SUPT3H: variants seen among roughly 807,000 people sequenced by gnomAD.
SUPT3H encodes SPT3 homolog, SAGA and STAGA complex component.
In SUPT3H, 44 loss-of-function variants were observed where a neutral mutation model predicts 44.3. The observed-to-expected ratio is 0.99, with a 90% CI of 0.78 to 1.28. The LOEUF (loss-of-function observed/expected upper bound fraction) is 1.28, where lower values mean the gene tolerates loss of function less well. Ranked by LOEUF, SUPT3H falls within the 50% of genes most tolerant of loss-of-function variation. The probability of loss-of-function intolerance (pLI) is 0.00; values close to 1 mark genes in which losing one functional copy is unlikely to be tolerated. For missense variants in SUPT3H, 380 were observed against 387.1 expected (o/e 0.98, Z 0.15); for synonymous variants, 124 against 125.6 (o/e 0.99, Z 0.09).
At chr6:45,079,352 A>T (rs1387403396) in intron 3 of SUPT3H, among the ~76,000 whole-genome samples, 1 of 151,928 alleles carries the variant, frequency 6.6e-6, no homozygotes, top group South Asian at 2.1e-4. Flanking sequence ...AAGGAAGAAA[A>T]AGAAAGAAGA....
intron 2 of SUPT3H, among the ~76,000 whole-genome samples, chr6:45,332,469 C>T (rs1008997915): frequency 4.6e-5 from 7 of 151,636 alleles, no homozygotes; most frequent in Non-Finnish European, 1.0e-4. Flanking sequence ...TGAAAATTGA[C>T]GGCAAAACAG....
chr6:44,834,163 G>C (rs970727281), intron 10 of SUPT3H, among the ~76,000 whole-genome samples: 35 of 152,252 alleles, frequency 2.3e-4, no homozygotes, highest in African/African-American at 8.2e-4. Context: ...AGTGAGAGCT[G>C]AGAACAGTGG....
chr6:45,035,738 G>A (rs1281539434), intron 3 of SUPT3H, among the ~76,000 whole-genome samples: 1 of 152,110 alleles, frequency 6.6e-6, no homozygotes, highest in Non-Finnish European at 1.5e-5. Flanking sequence ...AGATTGTGAA[G>A]TAACTGTGGG....
intron 2 of SUPT3H, among the ~76,000 whole-genome samples, chr6:45,107,878 T>C (rs891210409): frequency 5.3e-5 from 8 of 152,184 alleles, no homozygotes; most frequent in African/African-American, 1.7e-4. Context: ...TAGTAATTTA[T>C]GTTTTTTTAA....
chr6:45,315,832 T>G (rs1306598383), intron 2 of SUPT3H, among the ~76,000 whole-genome samples: 2 of 152,148 alleles, frequency 1.3e-5, no homozygotes, highest in Non-Finnish European at 2.9e-5. Flanking sequence ...TGCACACGCA[T>G]GTTTATAGCA....
intron 10 of SUPT3H, among the ~76,000 whole-genome samples, chr6:44,870,956 G>A (rs201315730): frequency 0.12 from 18,066 of 151,024 alleles, 1,422 homozygotes; most frequent in East Asian, 0.26. Context: ...AAAAAACGGC[G>A]CACCACGAGA....
intron 2 of SUPT3H, among the ~76,000 whole-genome samples, chr6:45,316,166 A>C (rs1784671476): frequency 6.6e-6 from 1 of 152,120 alleles, no homozygotes; most frequent in Admixed American, 6.6e-5. Context: ...GACTTTGGAG[A>C]CTTGGGGAGA....
chr6:44,937,542 TCC>T lies in SUPT3H; in HGVS notation c.802-4781_802-4780del, dbSNP rs370154767. ...CAATAGAAGTTGTACTAATTTACAT[TCC>T]CAACAACAGTGTACATGAGTTCCCT... On this transcript the variant is annotated intron_variant, in intron 9 of 10. Coordinates refer to ENST00000371459, the MANE Select transcript of SUPT3H (RefSeq NM_003599.4). Among the ~76,000 whole-genome samples, 670 of 152,102 alleles carry T rather than the reference TCC, an allele frequency of 4.4e-3. 6 individuals carry two copies. Among genetic ancestry groups the T allele is most frequent in the African/African-American group, 0.015 (627 of 41,454 alleles).
chr6:45,009,458 G>T (rs888147294), intron 5 of SUPT3H, among the ~76,000 whole-genome samples: 19 of 151,958 alleles, frequency 1.3e-4, no homozygotes, highest in African/African-American at 4.6e-4. Context: ...CTTGTATTTA[G>T]GTCTATGATC....
At chr6:44,988,708 C>T (rs907940558) in intron 6 of SUPT3H, among the ~76,000 whole-genome samples, 4 of 151,742 alleles carry the variant, frequency 2.6e-5, no homozygotes, top group African/African-American at 9.7e-5. Context: ...GCAATTTCTG[C>T]ATCAAATAAC....
chr6:44,915,845 G>C (rs1767728943), intron 10 of SUPT3H, among the ~76,000 whole-genome samples: 1 of 152,126 alleles, frequency 6.6e-6, no homozygotes, highest in Admixed American at 6.5e-5. Context: ...GTACTTGATT[G>C]ATGTCTCATG....
intron 9 of SUPT3H, among the ~76,000 whole-genome samples, chr6:44,950,627 T>C (rs1275517923): frequency 6.6e-6 from 1 of 151,916 alleles, no homozygotes; most frequent in Non-Finnish European, 1.5e-5. Flanking sequence ...GAAAGTTAAC[T>C]TGAATTAATA....
chr6:44,863,501 GTATAATA>G (rs1774996991), intron 10 of SUPT3H, among the ~76,000 whole-genome samples: 1 of 152,118 alleles, frequency 6.6e-6, no homozygotes, highest in African/African-American at 2.4e-5. Flanking sequence ...AAGCCATGTA[GTATAATA>G]TATGACCAAA....
At chr6:45,271,120 T>C (rs1384567640) in intron 2 of SUPT3H, among the ~76,000 whole-genome samples, 3 of 152,130 alleles carry the variant, frequency 2.0e-5, no homozygotes, top group Non-Finnish European at 4.4e-5. Context: ...AAATAGAGCA[T>C]AAAAGTTTGG....
chr6:44,868,222 G>T (rs1177151827), intron 10 of SUPT3H, among the ~76,000 whole-genome samples: 1 of 152,176 alleles, frequency 6.6e-6, no homozygotes, highest in Non-Finnish European at 1.5e-5. Context: ...AGAAGCCACA[G>T]GAGCTGGTTT....
chr6:44,824,748 T>C (rs1408249956), downstream of SUPT3H, among the ~76,000 whole-genome samples: 1 of 152,152 alleles, frequency 6.6e-6, no homozygotes, highest in East Asian at 1.9e-4. Context: ...TCTCTCTCTG[T>C]AAAACAAAGC....
In SUPT3H at chr6:45,364,749, T is replaced by C. The variant is rs201646078; in HGVS notation, c.101+452A>G. On this transcript the variant is annotated intron_variant, in intron 2 of 10. Coordinates refer to ENST00000371459, the MANE Select transcript of SUPT3H (RefSeq NM_003599.4). The stretch of plus-strand genomic sequence containing the variant: ...TGCTCTGAAACACAGTGATTTCAAA[T>C]ATTATCAGAACTAAAAACTAATTTA... 4.6e-5 allele frequency among the ~76,000 whole-genome samples: 7 copies of C among 152,326 alleles called. No homozygotes were observed. In the East Asian group the frequency reaches 9.6e-4, roughly 21 times the overall value.
intron 10 of SUPT3H, among the ~76,000 whole-genome samples, chr6:44,899,976 T>C (rs1190524686): frequency 1.3e-5 from 2 of 152,186 alleles, no homozygotes; most frequent in Non-Finnish European, 2.9e-5. Flanking sequence ...ATGATTAAGA[T>C]ACAATTATTT....
chr6:45,354,500 T>A (rs1330841212), intron 2 of SUPT3H, among the ~76,000 whole-genome samples: 1 of 152,022 alleles, frequency 6.6e-6, no homozygotes, highest in Non-Finnish European at 1.5e-5. Flanking sequence ...TGTGTGAGGA[T>A]CTCATTACTT....
Sources: gnomAD v4.1 joint callset for allele counts (sites outside exome capture counted in the v4.1 genomes callset) on GRCh38, gnomAD v4.1.1 for gene constraint, MANE v1.5 for transcripts, NCBI Gene and HGNC (gene_info 2026-07-23, HGNC 2026-07-21) for gene names.